The following PICK1 variants were observed in gnomAD, a reference collection of about 807,000 sequenced individuals.
PICK1 encodes the protein PRKCA-binding protein.
In PICK1, 23 loss-of-function variants were observed where a neutral mutation model predicts 48.9. That is an observed-to-expected ratio of 0.47 (90% confidence interval 0.34 to 0.67). The LOEUF (loss-of-function observed/expected upper bound fraction) is 0.67. PICK1 is among the 30% of genes least tolerant of loss of function. PICK1 has a pLI of 0.01. For missense variants in PICK1, 423 were observed against 557.1 expected (o/e 0.76, Z 2.42); for synonymous variants, 217 against 228.2 (o/e 0.95, Z 0.44).
rs1026516169 is a variant in PICK1, at chr22:38,074,698, G to C, written c.980-166G>C. On this transcript the variant is annotated intron_variant, in intron 12 of 12. Transcript: ENST00000356976. This position sits in a 1 kb window ranked among gnomAD's most constrained non-coding sequence, Gnocchi z 4.5. ...ACTGGGAGCGGGGAGGCCCCGGGCT[G>C]GGCGGCCCCTGCCTCCGCCCCTTGC... Among the ~76,000 whole-genome samples the C allele has an allele frequency of 6.6e-6, 1 of 152,182 alleles. No homozygotes were observed. Among genetic ancestry groups the C allele is most frequent in the Non-Finnish European group, 1.5e-5 (1 of 68,024 alleles).
chr22:38,058,561 A>G (rs1234676263), intron 2 of PICK1, among the ~76,000 whole-genome samples: 1 of 152,138 alleles, frequency 6.6e-6, no homozygotes, highest in African/African-American at 2.4e-5. Context: ...GAATAAATGA[A>G]AGGGAAGGGG....
At chr22:38,067,639 C>A (rs1466578039) in intron 4 of PICK1, 65 bp from the exon 5 acceptor site, 2 of 1,445,652 alleles carry the variant, frequency 1.4e-6, no homozygotes, top group East Asian at 2.3e-5. Flanking sequence ...CCAGAACAGT[C>A]TTGGCTGGGA....
intron 6 of PICK1, among the ~76,000 whole-genome samples, chr22:38,070,395 A>G (rs940655273): frequency 2.9e-4 from 44 of 152,340 alleles, no homozygotes; most frequent in African/African-American, 1.0e-3. Context: ...ATGACTGATC[A>G]CCAAGGCCTC....
At chr22:38,058,019 G>A in intron 2 of PICK1, 169 bp downstream of exon 2, 1 of 701,544 alleles carries the variant, frequency 1.4e-6, no homozygotes, top group Non-Finnish European at 2.6e-6. Context: ...AGGGGGCTGT[G>A]GACAGTTAAA....
chr22:38,064,905 A>G, intron 3 of PICK1, 97 bp from the exon 4 acceptor site: 11 of 1,390,760 alleles, frequency 7.9e-6, no homozygotes, highest in Non-Finnish European at 1.1e-5. Flanking sequence ...AGCAGAGGGT[A>G]GAGTGGAAGA....
chr22:38,065,594 A>C (rs1217649125), intron 4 of PICK1, among the ~76,000 whole-genome samples: 1 of 152,166 alleles, frequency 6.6e-6, no homozygotes, highest in Non-Finnish European at 1.5e-5. Context: ...TCGGTCCCAC[A>C]CAGCCTCCTG....
At chr22:38,062,307 G>A (rs899944328) in intron 3 of PICK1, among the ~76,000 whole-genome samples, 4 of 150,062 alleles carry the variant, frequency 2.7e-5, no homozygotes, top group Non-Finnish European at 5.9e-5. Flanking sequence ...GAGTGCAATG[G>A]CGTGATCTTG....
rs2085540078 is a variant in PICK1 at position 38,066,960 on chromosome 22, GC to G, written c.283-740del. Among the ~76,000 whole-genome samples the G allele has an allele frequency of 6.6e-6, 1 of 152,214 alleles. No individual in the cohort carries two copies. Among genetic ancestry groups the G allele is most frequent in the Admixed American group, 6.5e-5 (1 of 15,278 alleles). On this transcript the variant is annotated intron_variant, in intron 4 of 12. Coordinates refer to ENST00000356976, the MANE Select transcript of PICK1 (RefSeq NM_012407.4). This position sits in a 1 kb window ranked among gnomAD's most constrained non-coding sequence, Gnocchi z 4.1. ...GGCTGCCCCTGCCCCTCCCCTTGGT[GC>G]CCCAGCACCAGGCACAGAGCAAGTG...
At position 38,073,548 on chromosome 22, in the gene PICK1, A is replaced by G. The variant is rs894114219; in HGVS notation, c.784-225A>G. ...TCAAGGGTCTTCCTAAGCTCCTTTA[A>G]CGACAGACCCCTTTTTCCCCAGAGC... On this transcript the variant is annotated intron_variant, in intron 10 of 12. Transcript: ENST00000356976. The surrounding 1 kb of genome is among the most constrained non-coding windows in gnomAD (Gnocchi z 5.7). Among the ~76,000 whole-genome samples the G allele has an allele frequency of 5.9e-5, 9 of 152,184 alleles. No homozygotes were observed. The highest frequency in any genetic ancestry group is 2.2e-4 in the African/African-American group (9 of 41,434).
chr22:38,059,209 C>T (rs1410225196), intron 2 of PICK1, 25 bp from the exon 3 acceptor site: 1 of 1,520,550 alleles, frequency 6.6e-7, no homozygotes, highest in Non-Finnish European at 9.0e-7. Flanking sequence ...CCAGGAGAGT[C>T]AGCCTAGCTT....
Position 38,072,589 on chromosome 22 carries a change from G to A in PICK1, c.669G>A (p.Arg223=), listed in dbSNP as rs144781119. The A allele has an allele frequency of 1.2e-6, 2 of 1,613,300 alleles. No individual in the cohort carries two copies. The highest frequency in any genetic ancestry group is 4.5e-5 in the East Asian group (2 of 44,886). Residue 223 remains arginine (R), a synonymous_variant, in exon 9 of 13, where the codon CGG becomes CGA. Transcript: ENST00000356976. Reference sequence around the variant, plus strand: ...GCAGCATCGAGAAGTTCGGCATTCGGCTTCTGAAAACCATCAAGCCGGTAG... The same window carrying A: ...GCAGCATCGAGAAGTTCGGCATTCGACTTCTGAAAACCATCAAGCCGGTAG... ...AHRSIEKFGI[R]LLKTIKPMLT...
chr22:38,074,311 T>C lies in PICK1; in HGVS notation c.839T>C (p.Leu280Pro), dbSNP rs2085776954. 4.7e-6 allele frequency: 5 copies of C among 1,065,186 alleles called. No individual in the cohort carries two copies. Among genetic ancestry groups the C allele is most frequent in the Non-Finnish European group, 7.0e-6 (5 of 712,208 alleles). 66.0% of individuals were successfully genotyped at this position (1,065,186 alleles called of 1,614,324 possible). The change falls in exon 12 of 13, where the codon CTA becomes CCA. Residue 280 changes from leucine (L) to proline (P), a missense_variant. Transcript: ENST00000356976. The surrounding 1 kb of genome is among the most constrained non-coding windows in gnomAD (Gnocchi z 4.5). ...CCTGTCCCACCCCCGCCCCAGGCCC[T>C]AGGCGAGCCCCTTTACCGGGTGAGC... ...MDDEEYSCIA[L>P]GEPLYRVSTG...
chr22:38,072,849 C>T (rs2085735856), intron 9 of PICK1, 151 bp from the exon 10 acceptor site: 1 of 824,836 alleles, frequency 1.2e-6, no homozygotes, highest in Non-Finnish European at 2.1e-6. Flanking sequence ...TGGCACTAGT[C>T]TTCTCATCCT....
At chr22:38,060,384 G>A (rs1166965734) in intron 3 of PICK1, among the ~76,000 whole-genome samples, 1 of 152,204 alleles carries the variant, frequency 6.6e-6, no homozygotes, top group Non-Finnish European at 1.5e-5. Context: ...GTGGTGACAG[G>A]CCTGCTGTGG....
chr22:38,070,759 C>G (rs975969665), intron 6 of PICK1, 79 bp from the exon 7 acceptor site: 110 of 1,289,444 alleles, frequency 8.5e-5, no homozygotes, highest in Non-Finnish European at 1.1e-4. Context: ...GGGGTTGCCT[C>G]TCCCCTCCCC....
At position 38,069,018 on chromosome 22, in the gene PICK1, T is replaced by C. The variant is rs2085604774; in HGVS notation, c.350-15T>C. ...GGCAGCCACAGACTCACCAGGTCCT[T>C]TGTCCCCCGCTCAGTGTTGAAGAAA... On this transcript the variant is annotated splice_polypyrimidine_tract_variant and intron_variant, in intron 5 of 12. Coordinates refer to ENST00000356976, the MANE Select transcript of PICK1 (RefSeq NM_012407.4). The C allele has an allele frequency of 6.2e-7, 1 of 1,607,930 alleles. No individual in the cohort carries two copies. The highest frequency in any genetic ancestry group is 1.3e-5 in the African/African-American group (1 of 74,610).
chr22:38,069,192 T>G (rs1022821963), intron 6 of PICK1, 70 bp downstream of exon 6: 2 of 1,130,654 alleles, frequency 1.8e-6, no homozygotes, highest in African/African-American at 3.1e-5. Flanking sequence ...GGGGGCACCA[T>G]GGCTGCCCAC....
At chr22:38,064,870 G>A in intron 3 of PICK1, 132 bp from the exon 4 acceptor site, 1 of 1,041,590 alleles carries the variant, frequency 9.6e-7, no homozygotes, top group Non-Finnish European at 1.5e-6. Context: ...AGCCCGGGTG[G>A]TGAGACGCTT....
rs768027076 is a variant in PICK1, at chr22:38,057,761, T to G, written c.-49T>G. On this transcript the variant is annotated 5_prime_UTR_variant, in exon 2 of 13. It adds an upstream start codon to the 5' untranslated region. Coordinates refer to ENST00000356976, the MANE Select transcript of PICK1 (RefSeq NM_012407.4). ...TTCTCTCCCGGATCCAGTTCCCCAT[T>G]CCCCTACCGAGCTGGGCAGTTAGCC... 2.6e-6 allele frequency: 4 copies of G among 1,567,280 alleles called. No homozygotes were observed. The highest frequency in any genetic ancestry group is 2.2e-5 in the South Asian group (2 of 90,106).
Sources: gnomAD v4.1 joint callset for allele counts (sites outside exome capture counted in the v4.1 genomes callset) on GRCh38, gnomAD v4.1.1 for gene constraint, Gnocchi (gnomAD v3.1) non-coding constraint, MANE v1.5 for transcripts, NCBI Gene and HGNC (gene_info 2026-07-23, HGNC 2026-07-21) for gene names.